RAB3C: variants seen among roughly 807,000 people sequenced by gnomAD.
The protein encoded by RAB3C is RAB3C, member RAS oncogene family, also known as ras-related protein Rab-3C.
RAB3C carries 17 observed loss-of-function variants against 26.4 expected under a neutral mutation model. The ratio of observed to expected loss-of-function variants is 0.64; its 90% CI spans 0.44 to 0.97. The LOEUF (loss-of-function observed/expected upper bound fraction) is 0.97. RAB3C is among the 50% of genes least tolerant of loss of function. The pLI is 0.00. For synonymous variants in RAB3C, 91 were observed against 95.9 expected (o/e 0.95, Z 0.30); for missense variants, 242 against 281.9 (o/e 0.86, Z 1.01).
intron 2 of RAB3C, among the ~76,000 whole-genome samples, chr5:58,640,689 A>G (rs1482338921): frequency 6.6e-6 from 1 of 152,184 alleles, no homozygotes; most frequent in Non-Finnish European, 1.5e-5. Flanking sequence ...TGGCCAAAGG[A>G]TACTGAAATG....
chr5:58,752,063 CA>C (rs11320445), intron 3 of RAB3C, among the ~76,000 whole-genome samples: 30,310 of 140,496 alleles, frequency 0.22, 3,438 homozygotes, highest in African/African-American at 0.32. Flanking sequence ...TACAGAGATG[CA>C]AAAAAAAATT....
At position 58,593,456 on chromosome 5, in the gene RAB3C, A is replaced by G. The variant is rs1294631257; in HGVS notation, c.24+10224A>G. Among the ~76,000 whole-genome samples the G allele has an allele frequency of 5.3e-5, 8 of 152,312 alleles. No homozygotes were observed. In the South Asian group the frequency reaches 8.3e-4, roughly 16 times the overall value. ...CATTAGTGCTTTGATTATCTTTTGT[A>G]GATATTTTTGGAAAAATACTTATGT... On this transcript the variant is annotated intron_variant, in intron 1 of 4. Coordinates refer to ENST00000282878, the MANE Select transcript of RAB3C (RefSeq NM_138453.4).
intron 1 of RAB3C, among the ~76,000 whole-genome samples, chr5:58,608,921 A>G (rs1746630371): frequency 2.0e-5 from 3 of 152,192 alleles, no homozygotes. Flanking sequence ...CATCATTCTC[A>G]GCAAACTATC....
chr5:58,624,643 T>C (rs1400139299), intron 2 of RAB3C, among the ~76,000 whole-genome samples: 1 of 152,134 alleles, frequency 6.6e-6, no homozygotes, highest in Non-Finnish European at 1.5e-5. Context: ...TACCTGTGAT[T>C]CTATAGGGAC....
chr5:58,738,825 T>C (rs1469102777), intron 3 of RAB3C, among the ~76,000 whole-genome samples: 2 of 152,246 alleles, frequency 1.3e-5, no homozygotes, highest in South Asian at 2.1e-4. Context: ...ACAATATTTA[T>C]TGCAAATACT....
chr5:58,584,564 A>G (rs974182363), intron 1 of RAB3C, among the ~76,000 whole-genome samples: 4 of 152,152 alleles, frequency 2.6e-5, no homozygotes, highest in African/African-American at 9.7e-5. Context: ...ATAATTTTCT[A>G]TTACTGGAGA....
intron 1 of RAB3C, among the ~76,000 whole-genome samples, chr5:58,591,390 A>G (rs1673299655): frequency 6.6e-6 from 1 of 151,828 alleles, no homozygotes; most frequent in Non-Finnish European, 1.5e-5. Context: ...AGTTCTTTTG[A>G]GTTTTTTCAT....
chr5:58,771,605 C>G (rs1296391906), intron 3 of RAB3C, among the ~76,000 whole-genome samples: 1 of 151,954 alleles, frequency 6.6e-6, no homozygotes, highest in Non-Finnish European at 1.5e-5. Context: ...ATTTTTAGGA[C>G]ATAGCAATAA....
chr5:58,831,156 C>T (rs752972846), intron 4 of RAB3C, among the ~76,000 whole-genome samples: 22 of 152,120 alleles, frequency 1.4e-4, no homozygotes, highest in Non-Finnish European at 2.5e-4. Context: ...ACTGGGGTTA[C>T]AGTCATGAGC....
intron 3 of RAB3C, among the ~76,000 whole-genome samples, chr5:58,738,394 AGT>A (rs373648888): frequency 6.6e-6 from 1 of 152,040 alleles, no homozygotes; most frequent in South Asian, 2.1e-4. Context: ...GTTTCAGAAA[AGT>A]GTGTGTGTGT....
chr5:58,583,359 A>G, intron 1 of RAB3C, 127 bp downstream of exon 1: 2 of 1,548,362 alleles, frequency 1.3e-6, no homozygotes, highest in Admixed American at 2.0e-5. Context: ...CGGCTCTGTG[A>G]CATGACCCTG....
At chr5:58,800,057 C>T (rs950159179) in intron 3 of RAB3C, among the ~76,000 whole-genome samples, 1 of 152,180 alleles carries the variant, frequency 6.6e-6, no homozygotes, top group South Asian at 2.1e-4. Context: ...TTAGGTAATA[C>T]GTGCTCCACG....
intron 3 of RAB3C, among the ~76,000 whole-genome samples, chr5:58,782,990 C>A (rs536912610): frequency 6.6e-6 from 1 of 151,852 alleles, no homozygotes; most frequent in East Asian, 1.9e-4. Context: ...ACCATGTAAC[C>A]CCTTTTGATT....
chr5:58,628,524 GTAGCTCATCATGGA>G (rs1341230021), intron 2 of RAB3C, among the ~76,000 whole-genome samples: 1 of 152,022 alleles, frequency 6.6e-6, no homozygotes, highest in Non-Finnish European at 1.5e-5. Flanking sequence ...CTGCCAATCA[GTAGCTCATCATGGA>G]AGGGGCCACA....
intron 4 of RAB3C, among the ~76,000 whole-genome samples, chr5:58,838,457 A>G (rs1214029674): frequency 6.6e-6 from 1 of 151,600 alleles, no homozygotes; most frequent in Non-Finnish European, 1.5e-5. Flanking sequence ...CCCACTTGTC[A>G]TTCAGTAGCA....
intron 3 of RAB3C, 49 bp from the exon 4 acceptor site, chr5:58,824,989 G>T: frequency 1.3e-5 from 17 of 1,292,740 alleles, no homozygotes; most frequent in East Asian, 2.5e-5. Context: ...TTCATTTTAT[G>T]CTGTTCTGCT....
intron 3 of RAB3C, among the ~76,000 whole-genome samples, chr5:58,808,179 C>T (rs760180007): frequency 1.3e-5 from 2 of 148,646 alleles, no homozygotes; most frequent in Non-Finnish European, 3.0e-5. Flanking sequence ...GAGCAGAGAT[C>T]GCTCCACTGC....
rs1744242188 is a variant in RAB3C at position 58,855,670 on chromosome 5, C to T, written c.*4319C>T. 6.6e-6 allele frequency: 1 copy of T among 152,268 alleles called. No homozygotes were observed. The highest frequency in any genetic ancestry group is 2.1e-4 in the South Asian group (1 of 4,832). The allele number at this position is 152,268 out of a possible 1,614,324, so 9.4% of individuals were successfully genotyped here. ...ACCTTTGAGCCAGCTTTTGGGAGTT[C>T]TTCATATTTTAGGTGAATTTTTGAC... On this transcript the variant is annotated 3_prime_UTR_variant, in exon 5 of 5. Transcript: ENST00000282878.
intron 2 of RAB3C, among the ~76,000 whole-genome samples, chr5:58,682,429 A>G (rs1748364552): frequency 6.6e-6 from 1 of 152,206 alleles, no homozygotes; most frequent in Non-Finnish European, 1.5e-5. Flanking sequence ...TCACACCTGT[A>G]ATCTCAGCAC....
Sources: allele counts gnomAD v4.1 joint callset (sites outside exome capture counted in the v4.1 genomes callset), GRCh38; gene constraint gnomAD v4.1.1; transcripts MANE v1.5; gene names NCBI Gene and HGNC (gene_info 2026-07-23, HGNC 2026-07-21).